The following FBXL17 variants were observed in gnomAD, a reference collection of about 807,000 sequenced individuals.
The protein encoded by FBXL17 is F-box/LRR-repeat protein 17.
In FBXL17, 22 loss-of-function variants were observed where a neutral mutation model predicts 66.2. The ratio of observed to expected loss-of-function variants is 0.33; its 90% confidence interval spans 0.24 to 0.47. FBXL17 has a LOEUF of 0.47. Ranked by LOEUF, FBXL17 falls within the 20% of genes least tolerant of loss-of-function variation. FBXL17 has a pLI of 1.00. For missense variants in FBXL17, 878 were observed against 948.2 expected (o/e 0.93, Z 0.97); for synonymous variants, 474 against 400.5 (o/e 1.18, Z -2.19).
At chr5:108,289,277 G>A (rs1196154683) in intron 4 of FBXL17, among the ~76,000 whole-genome samples, 6 of 152,052 alleles carry the variant, frequency 3.9e-5, no homozygotes, top group Non-Finnish European at 8.8e-5. Flanking sequence ...TTTCTATGAT[G>A]AATATGTAAA....
intron 4 of FBXL17, among the ~76,000 whole-genome samples, chr5:108,276,215 G>A (rs1471026311): frequency 2.0e-5 from 3 of 152,076 alleles, no homozygotes; most frequent in Non-Finnish European, 2.9e-5. Context: ...TTAAGAAATT[G>A]ACATAGCAGT....
intron 6 of FBXL17, among the ~76,000 whole-genome samples, chr5:108,074,577 T>C (rs552995077): frequency 6.6e-6 from 1 of 152,130 alleles, no homozygotes; most frequent in Non-Finnish European, 1.5e-5. Flanking sequence ...AAAGTACACA[T>C]GAAAGGATCT....
At chr5:108,094,100 C>T (rs751300354) in intron 6 of FBXL17, among the ~76,000 whole-genome samples, 5 of 152,122 alleles carry the variant, frequency 3.3e-5, no homozygotes, top group Non-Finnish European at 7.4e-5. Context: ...TAAAAAGTCT[C>T]GAGCTCTTAA....
chr5:108,095,666 G>A (rs1480395990), intron 6 of FBXL17, among the ~76,000 whole-genome samples: 1 of 152,042 alleles, frequency 6.6e-6, no homozygotes, highest in Non-Finnish European at 1.5e-5. Context: ...AACCCATTAT[G>A]TACAATTTAG....
At chr5:107,984,529 T>A (rs10793832) in intron 7 of FBXL17, among the ~76,000 whole-genome samples, 4 of 152,032 alleles carry the variant, frequency 2.6e-5, no homozygotes, top group Non-Finnish European at 5.9e-5. Context: ...TCCTGGTACC[T>A]ACTTGCTATA....
In FBXL17 at chr5:108,314,938, T is replaced by A. The variant is rs1759292612; in HGVS notation, c.1506+33461A>T. Among the ~76,000 whole-genome samples, 3 of 151,182 alleles carry A rather than the reference T, an allele frequency of 2.0e-5. No homozygotes were observed. The South Asian group carries it at 6.2e-4, about 31-fold the overall frequency. On this transcript the variant is annotated intron_variant, in intron 4 of 8. Coordinates refer to ENST00000542267, the MANE Select transcript of FBXL17 (RefSeq NM_001163315.3). ...TATTATTAAAGATCATTTATTGTCT[T>A]ATTTTCAAATTTAAAATTTTTTTCC...
At chr5:107,882,735 G>A (rs947591463) in intron 7 of FBXL17, among the ~76,000 whole-genome samples, 2 of 152,292 alleles carry the variant, frequency 1.3e-5, no homozygotes, top group African/African-American at 4.8e-5. Context: ...ATGATATCCT[G>A]AAGATCTGCT....
intron 8 of FBXL17, among the ~76,000 whole-genome samples, chr5:107,873,060 G>T (rs1191195243): frequency 6.6e-6 from 1 of 152,184 alleles, no homozygotes; most frequent in Non-Finnish European, 1.5e-5. Flanking sequence ...GGCATGGTGG[G>T]GATGGAAATA....
rs936229761 is a variant in FBXL17 at position 107,881,252 on chromosome 5, T to C, written c.1823-73A>G. The C allele has an allele frequency of 4.9e-6, 4 of 817,220 alleles. No individual in the cohort carries two copies. The African/African-American group carries it at 6.8e-5, about 14-fold the overall frequency. 50.6% of individuals were successfully genotyped at this position (817,220 alleles called of 1,614,324 possible). The stretch of plus-strand genomic sequence containing the variant: ...AGCTCTATCTTATTATGACTATTCA[T>C]CTCATTTCCTCACTAAATTTGTTCC... On this transcript the variant is annotated intron_variant, in intron 7 of 8. Coordinates refer to ENST00000542267, the MANE Select transcript of FBXL17 (RefSeq NM_001163315.3).
Position 107,964,368 on chromosome 5 carries a change from A to AC in FBXL17, c.1822+56556_1822+56557insG, listed in dbSNP as rs1176690440. On this transcript the variant is annotated intron_variant, in intron 7 of 8. Coordinates refer to ENST00000542267, the MANE Select transcript of FBXL17 (RefSeq NM_001163315.3). ...AGCCATCAATTATTCTCAGGGATAA[A>AC]ACTTATTATTTAGAGAATAAACATT... Among the ~76,000 whole-genome samples the AC allele has an allele frequency of 4.6e-5, 7 of 152,146 alleles. 1 individual carries two copies. In the East Asian group the frequency reaches 7.7e-4, roughly 17 times the overall value.
chr5:107,912,790 T>C (rs1749995226), intron 7 of FBXL17, among the ~76,000 whole-genome samples: 1 of 152,182 alleles, frequency 6.6e-6, no homozygotes, highest in Non-Finnish European at 1.5e-5. Context: ...TGTATTCATA[T>C]ATTATCAGTG....
rs150649841 is a variant in FBXL17 at position 108,244,924 on chromosome 5, A to G, written c.1507-20696T>C. ...CCAAATAACTGTTTGATACTTGAAT[A>G]TGGCAGCATATTCTACTGTTGTTAA... On this transcript the variant is annotated intron_variant, in intron 4 of 8. Coordinates refer to ENST00000542267, the MANE Select transcript of FBXL17 (RefSeq NM_001163315.3). Among the ~76,000 whole-genome samples, 85 of 152,300 alleles carry G rather than the reference A, an allele frequency of 5.6e-4. 1 individual carries two copies. In the East Asian group the frequency reaches 0.015, roughly 28 times the overall value.
intron 4 of FBXL17, among the ~76,000 whole-genome samples, chr5:108,288,241 G>A (rs928101873): frequency 7.3e-5 from 11 of 150,700 alleles, no homozygotes; most frequent in African/African-American, 2.4e-4. Flanking sequence ...ATAACAAACC[G>A]CACATGTACC....
intron 6 of FBXL17, among the ~76,000 whole-genome samples, chr5:108,145,175 T>C (rs904244845): frequency 6.6e-6 from 1 of 152,174 alleles, no homozygotes; most frequent in African/African-American, 2.4e-5. Context: ...GATTGAGGAA[T>C]ATAATTTAGA....
intron 7 of FBXL17, among the ~76,000 whole-genome samples, chr5:107,965,028 C>G (rs763878794): frequency 2.0e-5 from 3 of 152,126 alleles, no homozygotes; most frequent in Non-Finnish European, 4.4e-5. Flanking sequence ...CCGCATTTGA[C>G]ACCAGGACCC....
intron 6 of FBXL17, among the ~76,000 whole-genome samples, chr5:108,088,519 G>A (rs1470868441): frequency 6.6e-6 from 1 of 151,738 alleles, no homozygotes; most frequent in Admixed American, 6.6e-5. Context: ...GGCTAACACA[G>A]TAAAACCCCA....
At chr5:107,986,045 T>G (rs937167773) in intron 7 of FBXL17, among the ~76,000 whole-genome samples, 1 of 152,096 alleles carries the variant, frequency 6.6e-6, no homozygotes, top group African/African-American at 2.4e-5. Context: ...TATAATAATA[T>G]TATATGTGGT....
intron 2 of FBXL17, among the ~76,000 whole-genome samples, chr5:108,366,046 CT>C (rs1273064462): frequency 2.0e-5 from 3 of 152,100 alleles, no homozygotes; most frequent in Non-Finnish European, 2.9e-5. Context: ...CACTTTTACA[CT>C]TGATATCAGA....
intron 7 of FBXL17, among the ~76,000 whole-genome samples, chr5:107,930,634 A>G (rs1750697840): frequency 6.6e-6 from 1 of 152,250 alleles, no homozygotes; most frequent in South Asian, 2.1e-4. Context: ...GCCTGGCAAC[A>G]TCACTTAGTA....
Sources: gnomAD v4.1 joint callset for allele counts (sites outside exome capture counted in the v4.1 genomes callset) on GRCh38, gnomAD v4.1.1 for gene constraint, MANE v1.5 for transcripts, NCBI Gene and HGNC (gene_info 2026-07-23, HGNC 2026-07-21) for gene names.